The following PCDHGB4 variants were observed in gnomAD, a reference collection of about 807,000 sequenced individuals.
PCDHGB4 encodes the protein protocadherin gamma-B4.
A neutral mutation model predicts 60.5 loss-of-function variants in PCDHGB4; 38 were observed. The observed-to-expected ratio is 0.63, with a 90% CI of 0.48 to 0.82. The LOEUF is 0.82. Among genes scored for constraint, PCDHGB4 ranks in the 40% least tolerant of loss-of-function variants. The pLI is 0.00. For missense variants in PCDHGB4, 1,109 were observed against 1,209.6 expected (o/e 0.92, Z 1.23); for synonymous variants, 456 against 509.7 (o/e 0.89, Z 1.42).
At position 141,390,297 on chromosome 5, in the gene PCDHGB4, G is replaced by C; in HGVS notation, c.2397+16G>C. On this transcript the variant is annotated intron_variant, in intron 1 of 3. Coordinates refer to ENST00000519479, the MANE Select transcript of PCDHGB4 (RefSeq NM_003736.4). The stretch of plus-strand genomic sequence containing the variant: ...TTCCCATCAGGTGAGTTTCCTTTAA[G>C]TATAATTTAATGCTCATTGCCTACC... The C allele has an allele frequency of 1.2e-6, 2 of 1,613,826 alleles. No individual in the cohort carries two copies. The highest frequency in any genetic ancestry group is 1.7e-6 in the Non-Finnish European group (2 of 1,179,828).
chr5:141,430,433 T>C (rs1371764261), intron 1 of PCDHGB4, among the ~76,000 whole-genome samples: 2 of 151,080 alleles, frequency 1.3e-5, no homozygotes, highest in Admixed American at 6.6e-5. Context: ...ATACGGTAGA[T>C]TTCCATCCCC....
rs2091837140 is a variant in PCDHGB4 at position 141,389,588 on chromosome 5, C to T, written c.1704C>T (p.Asp568=). 3 of 1,613,150 alleles carry T rather than the reference C, an allele frequency of 1.9e-6. No homozygotes were observed. Among genetic ancestry groups the T allele is most frequent in the Non-Finnish European group, 2.5e-6 (3 of 1,179,778 alleles). The change falls in exon 1 of 4, where the codon GAC becomes GAT. Residue 568 remains aspartate (D), a synonymous_variant. Transcript: ENST00000519479. ...TGCTGTACCCCGCGCTGGGTCCCGA[C>T]GGCTCTGCGCTCTTCGATATGGTGC... is the stretch of plus-strand genomic sequence containing the variant. ...PRVLYPALGP[D]GSALFDMVPH...
intron 1 of PCDHGB4, among the ~76,000 whole-genome samples, chr5:141,397,238 C>A (rs2093493095): frequency 6.6e-6 from 1 of 151,972 alleles, no homozygotes; most frequent in African/African-American, 2.4e-5. Flanking sequence ...AGAAGAGCAA[C>A]GTAGTAGGGT....
At chr5:141,394,324 A>G in intron 1 of PCDHGB4, 1 of 1,613,922 alleles carries the variant, frequency 6.2e-7, no homozygotes. Context: ...CTGTCCTCGT[A>G]TATCTCCATC....
In PCDHGB4 at chr5:141,388,297, T is replaced by C. The variant is rs2091308790; in HGVS notation, c.413T>C (p.Phe138Ser). 1.9e-6 allele frequency: 3 copies of C among 1,613,660 alleles called. No individual in the cohort carries two copies. Among genetic ancestry groups the C allele is most frequent in the African/African-American group, 2.7e-5 (2 of 74,946 alleles). Residue 138 changes from phenylalanine to serine, a missense_variant, in exon 1 of 4, where the codon TTT becomes TCT. By Grantham distance (155) the Phe-to-Ser change is radical. Transcript: ENST00000519479. Reference sequence around the variant, plus strand: ...ACGCCAAAATTCACGCAAAATTCCTTTGAGCTGCAAATAAGTGAGTCTGCA... The same window carrying C: ...ACGCCAAAATTCACGCAAAATTCCTCTGAGCTGCAAATAAGTGAGTCTGCA... ...DHTPKFTQNS[F>S]ELQISESAQP... is the part of the protein sequence containing the mutation.
chr5:141,390,730 A>G (rs964390196), intron 1 of PCDHGB4: 1 of 195,852 alleles, frequency 5.1e-6, no homozygotes, highest in African/African-American at 2.4e-5. Flanking sequence ...TTTAACTGGT[A>G]TGGTCTCCAT....
At chr5:141,445,313 T>C (rs1186654847) in intron 1 of PCDHGB4, among the ~76,000 whole-genome samples, 8 of 152,328 alleles carry the variant, frequency 5.3e-5, no homozygotes, top group Non-Finnish European at 4.4e-5. Flanking sequence ...GTTTGTAGGT[T>C]GAGAGAACCC....
Position 141,490,491 on chromosome 5 carries a change from A to T in PCDHGB4, c.2398-4316A>T. 1 of 1,614,098 alleles carries T rather than the reference A, an allele frequency of 6.2e-7. No individual in the cohort carries two copies. Among genetic ancestry groups the T allele is most frequent in the Non-Finnish European group, 8.5e-7 (1 of 1,180,022 alleles). ...GCCAGCCTTTGGACCGGGAGGCCAC[A>T]TCCCACTATATCATCGAGCTGCTGG... On this transcript the variant is annotated intron_variant, in intron 1 of 3. Coordinates refer to ENST00000519479, the MANE Select transcript of PCDHGB4 (RefSeq NM_003736.4). This position sits in a 1 kb window ranked among gnomAD's most constrained non-coding sequence, Gnocchi z 5.4.
intron 1 of PCDHGB4, among the ~76,000 whole-genome samples, chr5:141,438,454 T>C (rs2097961593): frequency 6.6e-6 from 1 of 151,734 alleles, no homozygotes; most frequent in Admixed American, 6.6e-5. Flanking sequence ...AATACAATGC[T>C]TGAGTTCAAT....
chr5:141,505,413 C>G lies in PCDHGB4; in HGVS notation c.2477C>G (p.Thr826Ser). ...CCCAGCTCCCAAAATGGCGATGACA[C>G]CGGCACCTGGCCCAACAACCAGTTT... Reference protein sequence around the residue: ...GTSGSQNGDDTGTWPNNQFDT... With the variant: ...GTSGSQNGDDSGTWPNNQFDT... Residue 826 changes from threonine to serine, a missense_variant, in exon 3 of 4, where the codon ACC (threonine) becomes AGC (serine). Physicochemically the swap from Thr to Ser is moderately conservative, Grantham distance 58. Around this residue, in one of 2 missense-constraint regions of PCDHGB4, gnomAD observed 1,068 missense variants for 1,089.9 expected, o/e 0.98. Coordinates refer to ENST00000519479, the MANE Select transcript of PCDHGB4 (RefSeq NM_003736.4). 2.5e-6 allele frequency: 4 copies of G among 1,614,202 alleles called. No individual in the cohort carries two copies. In the South Asian group the frequency reaches 4.4e-5, roughly 18 times the overall value.
intron 1 of PCDHGB4, chr5:141,394,693 G>C: frequency 1.2e-6 from 2 of 1,613,006 alleles, no homozygotes; most frequent in Non-Finnish European, 1.7e-6. Context: ...GGCGAGGTGC[G>C]CACGGCGCGA....
intron 1 of PCDHGB4, chr5:141,441,182 CA>C (rs1434822697): frequency 6.6e-6 from 1 of 152,140 alleles, no homozygotes; most frequent in African/African-American, 2.4e-5. Flanking sequence ...TCTAATTCCA[CA>C]ATGATTCCCA....
chr5:141,450,251 C>T (rs2154563018), intron 1 of PCDHGB4, among the ~76,000 whole-genome samples: 1 of 152,200 alleles, frequency 6.6e-6, no homozygotes. Context: ...CTCCTGACCT[C>T]AAGTGATCTG....
chr5:141,405,354 T>G lies in PCDHGB4; in HGVS notation c.2397+15073T>G, dbSNP rs781757006. The G allele has an allele frequency of 3.7e-6, 6 of 1,614,112 alleles. No homozygotes were observed. In the East Asian group the frequency reaches 1.3e-4, roughly 36 times the overall value. On this transcript the variant is annotated intron_variant, in intron 1 of 3. Coordinates refer to ENST00000519479, the MANE Select transcript of PCDHGB4 (RefSeq NM_003736.4). The stretch of plus-strand genomic sequence containing the variant: ...GTCTCTGTTGATTCCAAGTTTCCTA[T>G]AGAAGACACCCCTTTGGTTCCGGTG...
chr5:141,393,272 A>G, intron 1 of PCDHGB4: 1 of 1,613,892 alleles, frequency 6.2e-7, no homozygotes, highest in Non-Finnish European at 8.5e-7. Context: ...CACGTTATCC[A>G]CTCCCAGAAG....
intron 1 of PCDHGB4, chr5:141,423,126 G>T (rs1397550571): frequency 6.2e-7 from 1 of 1,613,622 alleles, no homozygotes; most frequent in Non-Finnish European, 8.5e-7. Context: ...CGCGGGCACT[G>T]CTGGACAGAG....
rs1471863168 is a variant in PCDHGB4, at chr5:141,476,550, G to A, written c.2398-18257G>A. ...ACCCAGGAAATGAAATTGGAGATTA[G>A]CGAGGCCGTGGCTCCGGGGACGCGC... On this transcript the variant is annotated intron_variant, in intron 1 of 3. Transcript: ENST00000519479. The surrounding 1 kb of genome is among the most constrained non-coding windows in gnomAD (Gnocchi z 7.6). 1.2e-6 allele frequency: 2 copies of A among 1,614,110 alleles called. No individual in the cohort carries two copies. The highest frequency in any genetic ancestry group is 4.5e-5 in the East Asian group (2 of 44,884).
At chr5:141,498,457 G>A (rs1028236637) in intron 2 of PCDHGB4, among the ~76,000 whole-genome samples, 8 of 152,126 alleles carry the variant, frequency 5.3e-5, no homozygotes, top group African/African-American at 1.9e-4. Flanking sequence ...CTTTTATCCA[G>A]TCTAACCCTG....
In PCDHGB4 at chr5:141,485,115, G is replaced by A. The variant is rs1043877839; in HGVS notation, c.2398-9692G>A. 6.9e-6 allele frequency: 9 copies of A among 1,300,470 alleles called. No individual in the cohort carries two copies. Among genetic ancestry groups the A allele is most frequent in the Non-Finnish European group, 1.1e-6 (1 of 911,406 alleles). 80.6% of individuals were successfully genotyped at this position (1,300,470 alleles called of 1,614,324 possible). ...GTGTCTCCAGCTGCTGTGGCTGTTT[G>A]GGGCGGGTCGGCTTCATCCGCGTCT... On this transcript the variant is annotated intron_variant, in intron 1 of 3. Coordinates refer to ENST00000519479, the MANE Select transcript of PCDHGB4 (RefSeq NM_003736.4). The surrounding 1 kb of genome is among the most constrained non-coding windows in gnomAD (Gnocchi z 5.7).
Sources: allele counts gnomAD v4.1 joint callset (sites outside exome capture counted in the v4.1 genomes callset), GRCh38; gene constraint gnomAD v4.1.1; regional missense constraint gnomAD v4.1.1; non-coding constraint Gnocchi (gnomAD v3.1); transcripts MANE v1.5; gene names NCBI Gene and HGNC (gene_info 2026-07-23, HGNC 2026-07-21).